TAF15: variants seen among roughly 807,000 people sequenced by gnomAD.
The protein encoded by TAF15 is TATA-binding protein-associated factor 2N.
TAF15 carries 37 observed loss-of-function variants against 102.5 expected under a neutral mutation model. The observed-to-expected ratio is 0.36, with a 90% CI of 0.28 to 0.47. The LOEUF (loss-of-function observed/expected upper bound fraction) is 0.47, where lower values mean the gene tolerates loss of function less well. Ranked by LOEUF, TAF15 falls within the 20% of genes least tolerant of loss-of-function variation. The pLI, the probability that TAF15 is intolerant of heterozygous loss-of-function variation, is 0.99. For synonymous variants in TAF15, 273 were observed against 259.2 expected (o/e 1.05, Z -0.51); for missense variants, 652 against 760.7 (o/e 0.86, Z 1.68).
Position 35,820,381 on chromosome 17 carries a change from T to C in TAF15, c.234T>C (p.Tyr78=). The change falls in exon 5 of 16, where the codon TAT becomes TAC. Residue 78 remains tyrosine (Y), a synonymous_variant. Transcript: ENST00000605844. ...ATGAGAATCAAAAGCAGAGCTCATA[T>C]AGCCAGCAACCATATAATAACCAGG... ...GGYENQKQSS[Y]SQQPYNNQGQ... is the part of the protein sequence containing the mutation. 6.2e-7 allele frequency: 1 copy of C among 1,614,062 alleles called. No homozygotes were observed. Among genetic ancestry groups the C allele is most frequent in the Non-Finnish European group, 8.5e-7 (1 of 1,179,950 alleles).
intron 2 of TAF15, among the ~76,000 whole-genome samples, chr17:35,818,236 C>T (rs1253124079): frequency 6.6e-6 from 1 of 152,128 alleles, no homozygotes; most frequent in Admixed American, 6.5e-5. Context: ...GCTGAGACTA[C>T]AGGCGCTCGC....
intron 6 of TAF15, among the ~76,000 whole-genome samples, chr17:35,823,173 A>G (rs1377089360): frequency 6.6e-6 from 1 of 152,162 alleles, no homozygotes; most frequent in African/African-American, 2.4e-5. Context: ...GGCCTAGTAC[A>G]TGGTTTGGTT....
intron 7 of TAF15, among the ~76,000 whole-genome samples, chr17:35,826,865 A>G (rs909587058): frequency 1.3e-5 from 2 of 150,990 alleles, no homozygotes; most frequent in African/African-American, 2.4e-5. Flanking sequence ...GCTGAAGTTC[A>G]TATTATTTTT....
Position 35,824,212 on chromosome 17 carries a change from T to C in TAF15, c.605+14T>C. On this transcript the variant is annotated intron_variant, in intron 7 of 15. Transcript: ENST00000605844. ...GACAGGATCAAGGTAAGTATGTAGA[T>C]AAAGATGCGTACATTTCTTCTTCTT... 6.2e-7 allele frequency: 1 copy of C among 1,612,222 alleles called. No homozygotes were observed. The highest frequency in any genetic ancestry group is 8.5e-7 in the Non-Finnish European group (1 of 1,179,638).
chr17:35,815,437 T>C (rs2087184121), intron 1 of TAF15, among the ~76,000 whole-genome samples: 3 of 152,206 alleles, frequency 2.0e-5, no homozygotes, highest in Non-Finnish European at 1.5e-5. Context: ...TTCTATATCA[T>C]CTGGGAGTTT....
intron 1 of TAF15, among the ~76,000 whole-genome samples, chr17:35,815,567 C>G (rs1176006031): frequency 2.0e-5 from 3 of 152,128 alleles, no homozygotes; most frequent in Non-Finnish European, 4.4e-5. Context: ...GTGCTGTACC[C>G]TACTAAAATT....
chr17:35,832,894 T>TCCTG (rs2143798784), intron 7 of TAF15, among the ~76,000 whole-genome samples: 1 of 152,218 alleles, frequency 6.6e-6, no homozygotes, highest in African/African-American at 2.4e-5. Context: ...CAGTGGCTCG[T>TCCTG]GCCTGTAATC....
intron 1 of TAF15, chr17:35,810,943 C>T (rs2087117643): frequency 6.6e-6 from 1 of 152,192 alleles, no homozygotes; most frequent in African/African-American, 2.4e-5. Context: ...AATCCTTGCT[C>T]AAACAAGAAA....
chr17:35,845,903 A>G (rs376015281), intron 15 of TAF15, among the ~76,000 whole-genome samples: 10 of 152,228 alleles, frequency 6.6e-5, no homozygotes, highest in African/African-American at 1.7e-4. Context: ...GTGTAAATCA[A>G]GAGTTCCTAA....
chr17:35,812,550 A>T (rs1275217907), intron 1 of TAF15, among the ~76,000 whole-genome samples: 11 of 140,098 alleles, frequency 7.9e-5, no homozygotes, highest in African/African-American at 3.0e-4. Flanking sequence ...GCGCCATTGC[A>T]CTCCAGCCTG....
rs756736611 is a variant in TAF15 at position 35,844,303 on chromosome 17, C to T, written c.1112C>T (p.Ala371Val). The T allele has an allele frequency of 6.2e-7, 1 of 1,614,192 alleles. No homozygotes were observed. Among genetic ancestry groups the T allele is most frequent in the Admixed American group, 1.7e-5 (1 of 60,028 alleles). Residue 371 changes from alanine to valine, a missense_variant, in exon 14 of 16, where the codon GCT becomes GTT. By Grantham distance (64) the Ala-to-Val change is moderately conservative. Around this residue, in one of 3 missense-constraint regions of TAF15, gnomAD observed 368 missense variants for 367.5 expected, o/e 1.00. Transcript: ENST00000605844. The stretch of plus-strand genomic sequence containing the variant: ...AGGTCATGCGGAAATATGAACTTTG[C>T]TCGAAGGAATTCCTGCAATCAGTGC... Reference protein sequence around the residue: ...PNPSCGNMNFARRNSCNQCNE... With the variant: ...PNPSCGNMNFVRRNSCNQCNE...
At chr17:35,842,272 C>A (rs1240663406) in intron 11 of TAF15, 95 bp from the exon 12 acceptor site, 2 of 894,422 alleles carry the variant, frequency 2.2e-6, no homozygotes, top group Non-Finnish European at 3.6e-6. Flanking sequence ...GTCAGTTACT[C>A]CTCTGAAACT....
At chr17:35,839,355 C>G (rs1302603792) in intron 11 of TAF15, among the ~76,000 whole-genome samples, 1 of 129,130 alleles carries the variant, frequency 7.7e-6, no homozygotes, top group Non-Finnish European at 1.6e-5. Flanking sequence ...TTAATACATA[C>G]TTAGAAGAAA....
At chr17:35,831,378 G>A (rs573333513) in intron 7 of TAF15, among the ~76,000 whole-genome samples, 132 of 150,648 alleles carry the variant, frequency 8.8e-4, no homozygotes, top group Middle Eastern at 3.4e-3. Flanking sequence ...CTGCACTCCA[G>A]CCTGGGCGAC....
At chr17:35,843,822 A>G (rs1200136303) in intron 12 of TAF15, among the ~76,000 whole-genome samples, 1 of 152,178 alleles carries the variant, frequency 6.6e-6, no homozygotes, top group Non-Finnish European at 1.5e-5. Context: ...CTCAACCTGT[A>G]TTACAGAAAA....
intron 1 of TAF15, among the ~76,000 whole-genome samples, chr17:35,815,673 A>G (rs2087186803): frequency 6.6e-6 from 1 of 152,200 alleles, no homozygotes; most frequent in Non-Finnish European, 1.5e-5. Context: ...CTAAAGCTTC[A>G]TGCATCCACA....
At position 35,844,964 on chromosome 17, in the gene TAF15, TGGC is replaced by T. The variant is rs1568285156; in HGVS notation, c.1669_1671del (p.Gly557del). ...GAGGCTATGGAGGAGACAGGAGTGGTGGCGGCTATGGAGGAGACCGAGGTGGGG... is the reference window on the plus strand; with the variant it reads ...GAGGCTATGGAGGAGACAGGAGTGGTGGCTATGGAGGAGACCGAGGTGGGG... On this transcript the variant is annotated inframe_deletion, in exon 15 of 16. Transcript: ENST00000605844. 3.8e-6 allele frequency: 6 copies of T among 1,592,720 alleles called. No homozygotes were observed. The highest frequency in any genetic ancestry group is 5.1e-6 in the Non-Finnish European group (6 of 1,172,672).
chr17:35,830,718 A>G (rs1442308047), intron 7 of TAF15, among the ~76,000 whole-genome samples: 4 of 152,348 alleles, frequency 2.6e-5, no homozygotes, highest in Non-Finnish European at 5.9e-5. Flanking sequence ...GATCATCTAG[A>G]TCAATGCCTA....
chr17:35,818,621 A>G (rs1359227661), intron 2 of TAF15: 1 of 152,184 alleles, frequency 6.6e-6, no homozygotes, highest in African/African-American at 2.4e-5. Flanking sequence ...CAGCTTGGGT[A>G]ATATAGCGAG....
Sources: gnomAD v4.1 joint callset for allele counts (sites outside exome capture counted in the v4.1 genomes callset) on GRCh38, gnomAD v4.1.1 for gene constraint, gnomAD v4.1.1 regional missense constraint, MANE v1.5 for transcripts, NCBI Gene and HGNC (gene_info 2026-07-23, HGNC 2026-07-21) for gene names.